The following CD72 variants were observed in gnomAD, a reference collection of about 807,000 sequenced individuals.
The protein encoded by CD72 is CD72 molecule.
Under a neutral mutation model 50.7 loss-of-function variants are expected in CD72, and 28 were observed. That is an observed-to-expected ratio of 0.55 (90% confidence interval 0.41 to 0.76). The LOEUF is 0.76. Ranked by LOEUF, CD72 falls within the 30% of genes least tolerant of loss-of-function variation. CD72 has a pLI of 0.00. For synonymous variants in CD72, 176 were observed against 171.2 expected (o/e 1.03, Z -0.22); for missense variants, 403 against 420.6 (o/e 0.96, Z 0.37).
rs766981202 is a variant in CD72 at position 35,611,827 on chromosome 9, C to A, written c.927G>T (p.Leu309Phe). The A allele has an allele frequency of 6.2e-7, 1 of 1,607,098 alleles. No individual in the cohort carries two copies. The highest frequency in any genetic ancestry group is 1.7e-5 in the Admixed American group (1 of 60,018). Residue 309 changes from leucine to phenylalanine, a missense_variant, in exon 7 of 9, where the codon TTG becomes TTT. By Grantham distance (22) the Leu-to-Phe change is conservative. Coordinates refer to ENST00000259633, the MANE Select transcript of CD72 (RefSeq NM_001782.3). ...TGLSSNKDWK[L>F]TDDTQRTRTY... ...ACCTAGTGCGTTGTGTATCATCAGTCAACTTCCAATCCTTGTTAGAGCTGA... is the reference window on the plus strand; with the variant it reads ...ACCTAGTGCGTTGTGTATCATCAGTAAACTTCCAATCCTTGTTAGAGCTGA...
chr9:35,625,623 T>C (rs1394391779), intron 1 of CD72, among the ~76,000 whole-genome samples: 1 of 152,230 alleles, frequency 6.6e-6, no homozygotes. Context: ...GAAGAGGCCA[T>C]CTAGGACTTT....
rs1247592987 is a variant in CD72, at chr9:35,618,367, C to G, written c.-64G>C. 1.4e-5 allele frequency: 22 copies of G among 1,604,662 alleles called. No homozygotes were observed. Among genetic ancestry groups the G allele is most frequent in the Non-Finnish European group, 1.8e-5 (21 of 1,175,486 alleles). On this transcript the variant is annotated 5_prime_UTR_variant, in exon 1 of 9. Transcript: ENST00000259633. ...ATCCACTGTCCTCCCTTGCCCCTCT[C>G]GTCTCTGTCCGTTTACAACTAGGCT...
chr9:35,616,839 CG>C, intron 3 of CD72, 150 bp from the exon 4 acceptor site: 1 of 994,738 alleles, frequency 1.0e-6, no homozygotes, highest in Admixed American at 2.1e-5. Context: ...TGGTTTCTGT[CG>C]GGTAGCGGGG....
chr9:35,633,517 A>G (rs1823265069), intron 1 of CD72, among the ~76,000 whole-genome samples: 1 of 151,920 alleles, frequency 6.6e-6, no homozygotes, highest in Non-Finnish European at 1.5e-5. Flanking sequence ...CTTTTTTTAA[A>G]AACCAGTTTT....
rs375063684 is a variant in CD72 at position 35,610,609 on chromosome 9, G to C, written c.*15C>G. ...CCCATCCCTCACTCTTACCAACTCA[G>C]TGCAAAGGACTGTCCTAATCTGGAA... On this transcript the variant is annotated 3_prime_UTR_variant, in exon 8 of 9. Transcript: ENST00000259633. 5.5e-4 allele frequency: 890 copies of C among 1,612,598 alleles called. 12 individuals carry two copies. In the South Asian group the frequency reaches 9.2e-3, roughly 17 times the overall value.
chr9:35,628,640 G>A, intron 1 of CD72, among the ~76,000 whole-genome samples: 1 of 152,234 alleles, frequency 6.6e-6, no homozygotes, highest in East Asian at 1.9e-4. Context: ...CTTGCCTGAA[G>A]CTTTTCTCTG....
chr9:35,617,702 T>C (rs1336515893), intron 2 of CD72, among the ~76,000 whole-genome samples: 1 of 152,134 alleles, frequency 6.6e-6, no homozygotes, highest in Non-Finnish European at 1.5e-5. Flanking sequence ...CTGGCTCCCA[T>C]TTATCCTGTT....
At position 35,611,689 on chromosome 9, in the gene CD72, A is replaced by G; in HGVS notation, c.950+115T>C. 5 of 632,224 alleles carry G rather than the reference A, an allele frequency of 7.9e-6. No individual in the cohort carries two copies. In the South Asian group the frequency reaches 9.3e-5, roughly 12 times the overall value. The allele number at this position is 632,224 out of a possible 1,614,324, so 39.2% of individuals were successfully genotyped here. A position where few individuals can be genotyped will look rare whatever the true frequency, so the allele number is the denominator to read the frequency against. On this transcript the variant is annotated intron_variant, in intron 7 of 8. Coordinates refer to ENST00000259633, the MANE Select transcript of CD72 (RefSeq NM_001782.3). ...AGGAAACAGACAAATAGGCAATTAC[A>G]GTGTTGATTTATGGGAGAGTCCTGA...
At chr9:35,635,021 T>A (rs1223425533) in intron 1 of CD72, among the ~76,000 whole-genome samples, 1 of 152,242 alleles carries the variant, frequency 6.6e-6, no homozygotes, top group African/African-American at 2.4e-5. Context: ...TTGCAAATCT[T>A]TTTTTCTTCC....
chr9:35,645,698 G>A (rs1478591471), intron 1 of CD72, among the ~76,000 whole-genome samples: 3 of 152,010 alleles, frequency 2.0e-5, no homozygotes, highest in African/African-American at 7.2e-5. Flanking sequence ...TAAAAATTAA[G>A]AATTAAAAAA....
intron 1 of CD72, among the ~76,000 whole-genome samples, chr9:35,641,100 G>A (rs1319126035): frequency 6.6e-6 from 1 of 152,148 alleles, no homozygotes; most frequent in Non-Finnish European, 1.5e-5. Context: ...AAACCCAAGT[G>A]CTGTTGGGGA....
At chr9:35,613,190 A>G (rs769091956) in intron 5 of CD72, among the ~76,000 whole-genome samples, 197 bp from the exon 6 acceptor site, 1 of 152,130 alleles carries the variant, frequency 6.6e-6, no homozygotes, top group Non-Finnish European at 1.5e-5. Flanking sequence ...ACATTCAACA[A>G]CATTACTTCT....
chr9:35,610,828 TA>T, intron 7 of CD72, 75 bp from the exon 8 acceptor site: 2 of 1,272,266 alleles, frequency 1.6e-6, no homozygotes, highest in Non-Finnish European at 2.2e-6. Flanking sequence ...TTCCCCTGTA[TA>T]AAACCTAAAT....
upstream of CD72, chr9:35,618,970 G>A (rs971297354): frequency 1.8e-5 from 6 of 328,324 alleles, no homozygotes; most frequent in African/African-American, 8.7e-5. Context: ...CAGGGAGCAG[G>A]TGAGCAAGGG....
chr9:35,616,868 A>G, intron 3 of CD72, 179 bp from the exon 4 acceptor site: 1 of 1,031,282 alleles, frequency 9.7e-7, no homozygotes, highest in Non-Finnish European at 1.4e-6. Context: ...CAGGTAGGGG[A>G]GAGGGTGTTC....
chr9:35,639,929 GAAAAAATACA>G (rs1331598600), intron 1 of CD72, among the ~76,000 whole-genome samples: 1 of 152,032 alleles, frequency 6.6e-6, no homozygotes, highest in African/African-American at 2.4e-5. Context: ...CATGAAAAAG[GAAAAAATACA>G]TAGAAATTGA....
At chr9:35,631,067 A>C (rs1189208905) in intron 1 of CD72, among the ~76,000 whole-genome samples, 1 of 152,142 alleles carries the variant, frequency 6.6e-6, no homozygotes, top group Non-Finnish European at 1.5e-5. Context: ...ATATTATCCT[A>C]AGAATTTTAT....
At chr9:35,616,996 G>A in intron 3 of CD72, 180 bp downstream of exon 3, 2 of 1,448,844 alleles carry the variant, frequency 1.4e-6, no homozygotes, top group Non-Finnish European at 1.8e-6. Context: ...CAGGGGGGCG[G>A]TGCACGTCGG....
upstream of CD72, among the ~76,000 whole-genome samples, chr9:35,620,085 A>T (rs1489967390): frequency 6.6e-6 from 1 of 151,836 alleles, no homozygotes; most frequent in Non-Finnish European, 1.5e-5. Context: ...AGAGTCAAAT[A>T]CTTGAACCTG....
Sources: gnomAD v4.1 joint callset for allele counts (sites outside exome capture counted in the v4.1 genomes callset) on GRCh38, gnomAD v4.1.1 for gene constraint, MANE v1.5 for transcripts, NCBI Gene and HGNC (gene_info 2026-07-23, HGNC 2026-07-21) for gene names.